The following ACTN1 variants were observed in gnomAD, a reference collection of about 807,000 sequenced individuals.
The protein encoded by ACTN1 is actinin alpha 1.
A neutral mutation model predicts 119.6 loss-of-function variants in ACTN1; 30 were observed. That is an observed-to-expected ratio of 0.25 (90% CI 0.19 to 0.34). The LOEUF (loss-of-function observed/expected upper bound fraction) is 0.34, where lower values mean the gene tolerates loss of function less well. Among genes scored for constraint, ACTN1 ranks in the 10% least tolerant of loss-of-function variants. The pLI is 1.00. For missense variants in ACTN1, 764 were observed against 1,223.4 expected (o/e 0.62, Z 5.60); for synonymous variants, 429 against 472.6 (o/e 0.91, Z 1.20).
chr14:68,874,988 G>A lies in ACTN1; in HGVS notation c.2616C>T (p.Arg872=), dbSNP rs2030704497. The change falls in exon 22 of 22, where the codon CGC becomes CGT. Residue 872 remains arginine (R), a synonymous_variant. Transcript: ENST00000394419. Reference sequence around the variant, plus strand: ...ACTCAGCCTGGTCGGGTGGCAGCTCGCGGCGCAGCTCGTCCATGGTAATGT... The same window carrying A: ...ACTCAGCCTGGTCGGGTGGCAGCTCACGGCGCAGCTCGTCCATGGTAATGT... ...KNYITMDELR[R]ELPPDQAEYC... 1.2e-6 allele frequency: 2 copies of A among 1,613,692 alleles called. No homozygotes were observed. The highest frequency in any genetic ancestry group is 1.7e-6 in the Non-Finnish European group (2 of 1,180,014).
At chr14:68,944,937 A>G (rs545285642) in intron 1 of ACTN1, among the ~76,000 whole-genome samples, 1 of 145,624 alleles carries the variant, frequency 6.9e-6, no homozygotes, top group South Asian at 2.3e-4. Context: ...GCGTGTGTGG[A>G]GCAGGTAGCT....
At chr14:68,945,148 A>C (rs1425845659) in intron 1 of ACTN1, among the ~76,000 whole-genome samples, 1 of 135,196 alleles carries the variant, frequency 7.4e-6, no homozygotes, top group Non-Finnish European at 1.5e-5. Flanking sequence ...TGGGCAACAG[A>C]GTAAGACTCC....
At chr14:68,975,181 G>A (rs768620171) in intron 1 of ACTN1, among the ~76,000 whole-genome samples, 2 of 152,194 alleles carry the variant, frequency 1.3e-5, no homozygotes, top group Non-Finnish European at 2.9e-5. Context: ...CCTGTCTGCA[G>A]AATCGGGATG....
intron 1 of ACTN1, among the ~76,000 whole-genome samples, chr14:68,955,726 C>T (rs1485125608): frequency 6.6e-6 from 1 of 152,190 alleles, no homozygotes; most frequent in South Asian, 2.1e-4. Flanking sequence ...GGATGAATCA[C>T]TGATCAGCAG....
chr14:68,897,012 T>C (rs1261961177), intron 8 of ACTN1, among the ~76,000 whole-genome samples: 1 of 152,238 alleles, frequency 6.6e-6, no homozygotes, highest in Non-Finnish European at 1.5e-5. Context: ...AGACAGAATC[T>C]TGCTCTGTCA....
chr14:68,944,102 C>T (rs769679485), intron 1 of ACTN1, among the ~76,000 whole-genome samples: 2 of 152,212 alleles, frequency 1.3e-5, no homozygotes, highest in Non-Finnish European at 2.9e-5. Flanking sequence ...TTAAAGCCAG[C>T]CACGAGAGGA....
At chr14:68,899,854 C>T (rs532663521) in intron 8 of ACTN1, among the ~76,000 whole-genome samples, 22 of 152,282 alleles carry the variant, frequency 1.4e-4, no homozygotes, top group African/African-American at 5.1e-4. Flanking sequence ...ACCACGGACA[C>T]GGGCAGGTGC....
rs1429678798 is a variant in ACTN1 at position 68,925,536 on chromosome 14, C to T, written c.220+22G>A. The T allele has an allele frequency of 6.3e-7, 1 of 1,597,952 alleles. No individual in the cohort carries two copies. On this transcript the variant is annotated intron_variant, in intron 2 of 21. Coordinates refer to ENST00000394419, the MANE Select transcript of ACTN1 (RefSeq NM_001130004.2). This position sits in a 1 kb window ranked among gnomAD's most constrained non-coding sequence, Gnocchi z 4.3. ...GCAGCACCAATAGACAGTATCTCGT[C>T]CTGGGCCAGGTTCCGCCTCACCTGA...
At chr14:68,966,231 T>G (rs901459110) in intron 1 of ACTN1, among the ~76,000 whole-genome samples, 4 of 151,992 alleles carry the variant, frequency 2.6e-5, no homozygotes, top group Admixed American at 2.6e-4. Context: ...AATAAAAAAG[T>G]AACTAATTTT....
chr14:68,945,139 G>C (rs1395608640), intron 1 of ACTN1, among the ~76,000 whole-genome samples: 5 of 147,916 alleles, frequency 3.4e-5, no homozygotes, highest in Admixed American at 2.0e-4. Flanking sequence ...ACTCCAGCCT[G>C]GGCAACAGAG....
chr14:68,895,921 G>A (rs977555225), intron 8 of ACTN1, among the ~76,000 whole-genome samples: 3 of 152,112 alleles, frequency 2.0e-5, no homozygotes, highest in African/African-American at 7.2e-5. Flanking sequence ...GAGATTCCGG[G>A]TGGGCCTCCT....
Position 68,950,462 on chromosome 14 carries a change from G to GTGTGTGTGTGTATATATATA in ACTN1, c.106-24791_106-24790insTATATATATACACACACACA. Reference sequence around the variant, plus strand: ...TTTACCATAATATATATGCGTGTGTGTATATATATATATATAAATCAAACA... The same window carrying GTGTGTGTGTGTATATATATA: ...TTTACCATAATATATATGCGTGTGTGTGTGTGTGTGTATATATATATATATATATATATATAAATCAAACA... On this transcript the variant is annotated intron_variant, in intron 1 of 21. Transcript: ENST00000394419. 5.6e-5 allele frequency among the ~76,000 whole-genome samples: 7 copies of GTGTGTGTGTGTATATATATA among 125,912 alleles called. 1 individual carries two copies. Among genetic ancestry groups the GTGTGTGTGTGTATATATATA allele is most frequent in the Middle Eastern group, 3.4e-3 (1 of 292 alleles). The allele number at this position is 125,912 out of a possible 152,430, so 82.6% of individuals were successfully genotyped here.
intron 1 of ACTN1, chr14:68,977,637 C>G (rs1594893522): frequency 3.4e-6 from 1 of 295,106 alleles, no homozygotes; most frequent in Non-Finnish European, 6.6e-6. Context: ...CCTGAGTGAG[C>G]TAATACAGGA....
chr14:68,878,690 A>T lies in ACTN1; in HGVS notation c.2362-167T>A. On this transcript the variant is annotated intron_variant, in intron 19 of 21. Coordinates refer to ENST00000394419, the MANE Select transcript of ACTN1 (RefSeq NM_001130004.2). This position sits in a 1 kb window ranked among gnomAD's most constrained non-coding sequence, Gnocchi z 4.4. The stretch of plus-strand genomic sequence containing the variant: ...AACATAGGAGAAGATGCGAACACAC[A>T]TCGGTGGAAATGTCCAAAGACAGGA... 6.5e-7 allele frequency: 1 copy of T among 1,537,998 alleles called. No individual in the cohort carries two copies. The highest frequency in any genetic ancestry group is 8.7e-7 in the Non-Finnish European group (1 of 1,146,768).
chr14:68,969,995 G>A (rs947734639), intron 1 of ACTN1, among the ~76,000 whole-genome samples: 9 of 151,980 alleles, frequency 5.9e-5, no homozygotes, highest in African/African-American at 1.9e-4. Context: ...GAGCTCAGAT[G>A]CTGTCTCACT....
At chr14:68,921,250 T>TG in intron 2 of ACTN1, 125 bp from the exon 3 acceptor site, 2 of 1,231,654 alleles carry the variant, frequency 1.6e-6, no homozygotes, top group Non-Finnish European at 1.1e-6. Flanking sequence ...TGTGTGCACG[T>TG]GTGTGTGTGC....
rs768393031 is a variant in ACTN1, at chr14:68,925,665, G to A, written c.113C>T (p.Thr38Met). Residue 38 changes from threonine (T) to methionine (M), a missense_variant, in exon 2 of 22, where the codon ACG becomes ATG. By Grantham distance (81) the Thr-to-Met change is moderately conservative. This residue lies in a region of ACTN1 where 64 missense variants were observed against 80.0 expected (regional missense o/e 0.80). Coordinates refer to ENST00000394419, the MANE Select transcript of ACTN1 (RefSeq NM_001130004.2). This position sits in a 1 kb window ranked among gnomAD's most constrained non-coding sequence, Gnocchi z 4.3. ...CCGGAGGTGGGAGTTACACCATGCC[G>A]TGAATGTCTGGGCAGAGACAAGAAG... ...AWEKQQRKTF[T>M]AWCNSHLRKA... The A allele has an allele frequency of 4.0e-5, 65 of 1,610,438 alleles. No individual in the cohort carries two copies. Among genetic ancestry groups the A allele is most frequent in the Non-Finnish European group, 4.2e-5 (50 of 1,178,070 alleles).
At chr14:68,938,435 G>A (rs987155577) in intron 1 of ACTN1, among the ~76,000 whole-genome samples, 14 of 152,018 alleles carry the variant, frequency 9.2e-5, no homozygotes, top group African/African-American at 3.4e-4. Context: ...TGTCTGCTTG[G>A]ACAGGAGATT....
chr14:68,902,579 G>A lies in ACTN1; in HGVS notation c.677-17C>T. ...CAACGATGTCTGTCAAGAAAAATCT[G>A]GAGTTAAAGCCAGCTGGTTCCAAGA... On this transcript the variant is annotated splice_polypyrimidine_tract_variant and intron_variant, in intron 7 of 21. Coordinates refer to ENST00000394419, the MANE Select transcript of ACTN1 (RefSeq NM_001130004.2). The A allele has an allele frequency of 6.2e-7, 1 of 1,611,552 alleles. No homozygotes were observed. The highest frequency in any genetic ancestry group is 8.5e-7 in the Non-Finnish European group (1 of 1,178,002).
Sources: allele counts gnomAD v4.1 joint callset (sites outside exome capture counted in the v4.1 genomes callset), GRCh38; gene constraint gnomAD v4.1.1; regional missense constraint gnomAD v4.1.1; non-coding constraint Gnocchi (gnomAD v3.1); transcripts MANE v1.5; gene names NCBI Gene and HGNC (gene_info 2026-07-23, HGNC 2026-07-21).